The following DPYD variants were observed in gnomAD, a reference collection of about 807,000 sequenced individuals.
The protein encoded by DPYD is dihydropyrimidine dehydrogenase [NADP(+)].
In DPYD, 109 loss-of-function variants were observed where a neutral mutation model predicts 116.2. That is an observed-to-expected ratio of 0.94 (90% CI 0.80 to 1.10). DPYD has a LOEUF of 1.10. DPYD is among the 50% of genes least tolerant of loss of function. The pLI, the probability that DPYD is intolerant of heterozygous loss-of-function variation, is 0.00. For missense variants in DPYD, 1,302 were observed against 1,254.5 expected (o/e 1.04, Z -0.57); for synonymous variants, 440 against 432.0 (o/e 1.02, Z -0.23).
At chr1:97,470,650 T>C (rs1365047837) in intron 13 of DPYD, among the ~76,000 whole-genome samples, 1 of 152,174 alleles carries the variant, frequency 6.6e-6, no homozygotes, top group East Asian at 1.9e-4. Context: ...AATGCTAACT[T>C]GCTGAAGCTG....
intron 18 of DPYD, among the ~76,000 whole-genome samples, chr1:97,250,710 GT>G (rs1663030284): frequency 6.6e-6 from 1 of 152,150 alleles, no homozygotes; most frequent in Non-Finnish European, 1.5e-5. Context: ...ATATTATTTA[GT>G]TTATATGAAG....
At chr1:97,466,172 C>G (rs1677311708) in intron 13 of DPYD, among the ~76,000 whole-genome samples, 1 of 151,994 alleles carries the variant, frequency 6.6e-6, no homozygotes, top group East Asian at 1.9e-4. Context: ...AAAATTATAA[C>G]AAAAAAAGTT....
chr1:97,816,921 A>G (rs1668639224), intron 3 of DPYD, among the ~76,000 whole-genome samples: 1 of 152,186 alleles, frequency 6.6e-6, no homozygotes, highest in South Asian at 2.1e-4. Flanking sequence ...ACTTCATAGT[A>G]TTTGTATTAA....
chr1:97,530,204 CTTTT>C (rs60749588), intron 12 of DPYD, among the ~76,000 whole-genome samples: 21,892 of 135,142 alleles, frequency 0.16, 1,895 homozygotes, highest in East Asian at 0.22. Context: ...ATCAGAATTT[CTTTT>C]TTTTTCTTTT....
intron 8 of DPYD, among the ~76,000 whole-genome samples, chr1:97,654,143 T>C (rs937314613): frequency 6.6e-6 from 1 of 152,194 alleles, no homozygotes; most frequent in Non-Finnish European, 1.5e-5. Context: ...CAGGGCCAAA[T>C]AGATTACAGA....
chr1:97,480,244 G>A (rs1474069068), intron 13 of DPYD, among the ~76,000 whole-genome samples: 1 of 151,460 alleles, frequency 6.6e-6, no homozygotes, highest in Non-Finnish European at 1.5e-5. Flanking sequence ...ATCAAACTGA[G>A]AAAAAAAAGA....
intron 5 of DPYD, chr1:97,719,658 G>A (rs1038805385): frequency 8.3e-6 from 8 of 965,194 alleles, no homozygotes; most frequent in African/African-American, 1.8e-5. Context: ...TGACAGTTGG[G>A]TAAATTTAAG....
chr1:97,114,207 G>T (rs1651802070), intron 20 of DPYD, among the ~76,000 whole-genome samples: 1 of 152,038 alleles, frequency 6.6e-6, no homozygotes, highest in Non-Finnish European at 1.5e-5. Flanking sequence ...AGGTGAGGGT[G>T]GACATTACCG....
chr1:97,788,711 C>T (rs1056017847), intron 3 of DPYD, among the ~76,000 whole-genome samples: 13 of 152,160 alleles, frequency 8.5e-5, no homozygotes, highest in African/African-American at 3.1e-4. Context: ...CAAGGCTAAT[C>T]AGCTAATAAA....
At chr1:97,312,433 C>T (rs770158463) in intron 16 of DPYD, among the ~76,000 whole-genome samples, 1 of 151,814 alleles carries the variant, frequency 6.6e-6, no homozygotes, top group Non-Finnish European at 1.5e-5. Context: ...ATTAAATCCA[C>T]ATGCATTCAA....
In DPYD at chr1:97,077,976, TAGA is replaced by T. The variant is rs1648903051; in HGVS notation, c.*997_*999del. The T allele has an allele frequency of 6.6e-6, 1 of 152,092 alleles. No homozygotes were observed. Among genetic ancestry groups the T allele is most frequent in the Non-Finnish European group, 1.5e-5 (1 of 68,006 alleles). The allele number at this position is 152,092 out of a possible 1,614,324, so 9.4% of individuals were successfully genotyped here. On this transcript the variant is annotated 3_prime_UTR_variant, in exon 23 of 23. Transcript: ENST00000370192. ...TGACACTATTTACTGATTATGAAAA[TAGA>T]GAAATACAAAAATATTATCTAATAA...
intron 8 of DPYD, among the ~76,000 whole-genome samples, chr1:97,662,921 C>T (rs1659350482): frequency 6.6e-6 from 1 of 152,136 alleles, no homozygotes; most frequent in African/African-American, 2.4e-5. Flanking sequence ...ATAATTTTTT[C>T]TCGTTCTGCA....
In DPYD at chr1:97,855,595, A is replaced by G. The variant is rs190017860; in HGVS notation, c.151-27399T>C. On this transcript the variant is annotated intron_variant, in intron 2 of 22. Coordinates refer to ENST00000370192, the MANE Select transcript of DPYD (RefSeq NM_000110.4). ...AGACTCTCAGAAAAGGACCAAAAAA[A>G]ATCTAAATGTTTAGAACAATTTAGG... 14 of 152,310 alleles carry G rather than the reference A, an allele frequency of 9.2e-5. No individual in the cohort carries two copies. In the East Asian group the frequency reaches 2.5e-3, roughly 27 times the overall value. The allele number at this position is 152,310 out of a possible 1,614,324, so 9.4% of individuals were successfully genotyped here.
intron 20 of DPYD, among the ~76,000 whole-genome samples, chr1:97,137,728 G>C (rs1653920612): frequency 6.6e-6 from 1 of 152,164 alleles, no homozygotes. Flanking sequence ...CAGGCCTAAA[G>C]TATTTATATT....
intron 8 of DPYD, among the ~76,000 whole-genome samples, chr1:97,649,103 G>A (rs1658432343): frequency 1.3e-5 from 2 of 151,972 alleles, no homozygotes; most frequent in Admixed American, 1.3e-4. Context: ...TAAGCAAGGA[G>A]CTCTAAAAAA....
intron 5 of DPYD, among the ~76,000 whole-genome samples, chr1:97,702,917 C>A (rs1661686016): frequency 6.6e-6 from 1 of 151,904 alleles, no homozygotes; most frequent in Admixed American, 6.6e-5. Context: ...GTACCCAACA[C>A]AGAGTTAAAG....
At chr1:97,508,760 CGTGGTGGATTTCA>C (rs1179554679) in intron 13 of DPYD, among the ~76,000 whole-genome samples, 3 of 151,838 alleles carry the variant, frequency 2.0e-5, no homozygotes, top group Non-Finnish European at 2.9e-5. Context: ...CAAATCCTGA[CGTGGTGGATTTCA>C]GTGTTTTGAT....
chr1:97,739,679 C>T (rs1262465801), intron 4 of DPYD, among the ~76,000 whole-genome samples: 2 of 152,012 alleles, frequency 1.3e-5, no homozygotes, highest in Non-Finnish European at 2.9e-5. Context: ...TTATGGGAGA[C>T]ATTGTTCAGC....
At chr1:97,187,235 A>G (rs1658061350) in intron 20 of DPYD, among the ~76,000 whole-genome samples, 1 of 151,982 alleles carries the variant, frequency 6.6e-6, no homozygotes. Flanking sequence ...ATCCTCACCT[A>G]CATCTGTTAT....
Sources: allele counts gnomAD v4.1 joint callset (sites outside exome capture counted in the v4.1 genomes callset), GRCh38; gene constraint gnomAD v4.1.1; transcripts MANE v1.5; gene names NCBI Gene and HGNC (gene_info 2026-07-23, HGNC 2026-07-21).